PLEKHM3: variants seen among roughly 807,000 people sequenced by gnomAD.
PLEKHM3 encodes pleckstrin homology domain containing M3, also known as pleckstrin homology domain-containing family M member 3.
A neutral mutation model predicts 81.8 loss-of-function variants in PLEKHM3; 45 were observed. The ratio of observed to expected loss-of-function variants is 0.55; its 90% CI spans 0.43 to 0.71. PLEKHM3 has a LOEUF of 0.71. Ranked by LOEUF, PLEKHM3 falls within the 30% of genes least tolerant of loss-of-function variation. The pLI is 0.00. For synonymous variants in PLEKHM3, 352 were observed against 356.4 expected, an observed-to-expected ratio of 0.99 and a Z score of 0.14; for missense variants, 788 against 924.3, an observed-to-expected ratio of 0.85 and a Z score of 1.91.
At chr2:207,962,219 G>C (rs988921370) in intron 3 of PLEKHM3, among the ~76,000 whole-genome samples, 1 of 152,148 alleles carries the variant, frequency 6.6e-6, no homozygotes, top group South Asian at 2.1e-4. Flanking sequence ...TCCAGGAAGG[G>C]GAAGGAGGCT....
At chr2:207,948,339 C>T (rs918451875) in intron 3 of PLEKHM3, among the ~76,000 whole-genome samples, 17 of 148,626 alleles carry the variant, frequency 1.1e-4, no homozygotes, top group African/African-American at 4.0e-4. Flanking sequence ...ACACTAGAAA[C>T]TCCTCAGATC....
At chr2:207,958,687 A>T (rs1690612145) in intron 3 of PLEKHM3, among the ~76,000 whole-genome samples, 1 of 152,172 alleles carries the variant, frequency 6.6e-6, no homozygotes, top group Non-Finnish European at 1.5e-5. Flanking sequence ...AGGTGGGCGG[A>T]CCACCTAAGG....
intron 6 of PLEKHM3, among the ~76,000 whole-genome samples, chr2:207,899,095 G>C (rs1171205507): frequency 6.6e-6 from 1 of 152,082 alleles, no homozygotes; most frequent in South Asian, 2.1e-4. Context: ...GGAGGGAATC[G>C]CAGGCCACTA....
chr2:207,903,344 C>CG (rs1160775408), intron 6 of PLEKHM3, among the ~76,000 whole-genome samples: 1 of 151,668 alleles, frequency 6.6e-6, no homozygotes, highest in African/African-American at 2.4e-5. Context: ...TGTGTGTGTG[C>CG]GGGGGTGAGG....
At chr2:207,930,260 C>A (rs567417413) in intron 5 of PLEKHM3, among the ~76,000 whole-genome samples, 59 of 152,098 alleles carry the variant, frequency 3.9e-4, no homozygotes, top group African/African-American at 1.4e-3. Flanking sequence ...CATCATTGAC[C>A]AAGTTTGGGT....
At chr2:207,993,131 A>G (rs950835153) in intron 2 of PLEKHM3, among the ~76,000 whole-genome samples, 1 of 152,220 alleles carries the variant, frequency 6.6e-6, no homozygotes, top group Non-Finnish European at 1.5e-5. Context: ...AAAAATTAAT[A>G]GGACAACCAG....
At chr2:208,000,879 A>G in intron 2 of PLEKHM3, 151 bp downstream of exon 2, 1 of 730,662 alleles carries the variant, frequency 1.4e-6, no homozygotes, top group South Asian at 2.3e-5. Flanking sequence ...ATGCTGGAGC[A>G]TAAGATTCTC....
At chr2:207,990,992 TGG>T (rs1338445676) in intron 2 of PLEKHM3, among the ~76,000 whole-genome samples, 2 of 152,214 alleles carry the variant, frequency 1.3e-5, no homozygotes, top group African/African-American at 4.8e-5. Context: ...TTCTTTGCTA[TGG>T]GCAACAGTGA....
intron 6 of PLEKHM3, among the ~76,000 whole-genome samples, chr2:207,872,605 A>G (rs1308905374): frequency 6.6e-6 from 1 of 152,182 alleles, no homozygotes; most frequent in Non-Finnish European, 1.5e-5. Context: ...TGGGAGGCTG[A>G]GGGGGATGGA....
chr2:207,837,349 C>G (rs1333344038), intron 7 of PLEKHM3, among the ~76,000 whole-genome samples: 1 of 152,070 alleles, frequency 6.6e-6, no homozygotes, highest in Non-Finnish European at 1.5e-5. Flanking sequence ...AGCCATAATT[C>G]CAGCACTTTG....
chr2:207,986,838 ATT>A (rs370986896), intron 2 of PLEKHM3, among the ~76,000 whole-genome samples: 5 of 126,292 alleles, frequency 4.0e-5, no homozygotes, highest in Admixed American at 8.1e-5. Context: ...TGCCCAGCTA[ATT>A]TTTTTTTTTT....
At chr2:207,918,415 A>G (rs1438436804) in intron 5 of PLEKHM3, among the ~76,000 whole-genome samples, 2 of 152,054 alleles carry the variant, frequency 1.3e-5, no homozygotes, top group African/African-American at 4.8e-5. Flanking sequence ...CCAGTTACTC[A>G]GGAGGCTGAG....
At chr2:208,015,853 T>C (rs1270070017) in intron 1 of PLEKHM3, among the ~76,000 whole-genome samples, 2 of 152,252 alleles carry the variant, frequency 1.3e-5, no homozygotes, top group African/African-American at 4.8e-5. Flanking sequence ...TCAAATTAGA[T>C]GTTACAATCG....
intron 2 of PLEKHM3, among the ~76,000 whole-genome samples, chr2:207,994,562 C>T (rs1439679983): frequency 6.6e-6 from 1 of 151,872 alleles, no homozygotes; most frequent in Admixed American, 6.6e-5. Flanking sequence ...AGGATCAGGG[C>T]CCACTCTCAG....
At chr2:207,970,224 A>G (rs914877124) in intron 3 of PLEKHM3, among the ~76,000 whole-genome samples, 5 of 151,932 alleles carry the variant, frequency 3.3e-5, no homozygotes, top group African/African-American at 1.2e-4. Context: ...GAGAGAGGAG[A>G]GGAAAGAGGA....
rs570581785 is a variant in PLEKHM3, at chr2:207,823,742, T to C, written c.*4577A>G. ...GCGTGAGCCACCAATCCTGGCCAAG[T>C]GGAACCCACTTTAAATAAAACTGAC... is the stretch of plus-strand genomic sequence containing the variant. On this transcript the variant is annotated 3_prime_UTR_variant, in exon 8 of 8. Transcript: ENST00000427836. The C allele has an allele frequency of 1.6e-4, 24 of 152,344 alleles. No homozygotes were observed. The highest frequency in any genetic ancestry group is 5.1e-4 in the African/African-American group (21 of 41,570). 9.4% of individuals were successfully genotyped at this position (152,344 alleles called of 1,614,324 possible). A position where few individuals can be genotyped will look rare whatever the true frequency, so the allele number is the denominator to read the frequency against.
At chr2:207,918,967 A>T (rs572445181) in intron 5 of PLEKHM3, among the ~76,000 whole-genome samples, 25 of 152,300 alleles carry the variant, frequency 1.6e-4, no homozygotes, top group African/African-American at 6.0e-4. Flanking sequence ...TTTAATGGTA[A>T]TAAGTAAGCA....
At chr2:208,017,234 C>T (rs1047755077) in intron 1 of PLEKHM3, among the ~76,000 whole-genome samples, 4 of 152,182 alleles carry the variant, frequency 2.6e-5, no homozygotes, top group Non-Finnish European at 5.9e-5. Flanking sequence ...AACTGTCTCA[C>T]CTTTTTTGGA....
intron 7 of PLEKHM3, among the ~76,000 whole-genome samples, chr2:207,830,584 G>C (rs2092280751): frequency 6.8e-6 from 1 of 147,224 alleles, no homozygotes; most frequent in Non-Finnish European, 1.5e-5. Context: ...TCTAGCCTGG[G>C]TGACAAGAGC....
Sources: gnomAD v4.1 joint callset for allele counts (sites outside exome capture counted in the v4.1 genomes callset) on GRCh38, gnomAD v4.1.1 for gene constraint, MANE v1.5 for transcripts, NCBI Gene and HGNC (gene_info 2026-07-23, HGNC 2026-07-21) for gene names.